The following CNTNAP2 variants were observed in gnomAD, a reference collection of about 807,000 sequenced individuals.
CNTNAP2 encodes contactin associated protein 2.
A neutral mutation model predicts 155.2 loss-of-function variants in CNTNAP2; 98 were observed. The ratio of observed to expected loss-of-function variants is 0.63; its 90% CI spans 0.54 to 0.75. The LOEUF (loss-of-function observed/expected upper bound fraction) is 0.75, where lower values mean the gene tolerates loss of function less well. CNTNAP2 is among the 30% of genes least tolerant of loss of function. CNTNAP2 has a pLI of 0.00. For synonymous variants in CNTNAP2, 651 were observed against 631.2 expected, an observed-to-expected ratio of 1.03 and a Z score of -0.47; for missense variants, 1,727 against 1,688.1, an observed-to-expected ratio of 1.02 and a Z score of -0.40.
intron 4 of CNTNAP2, among the ~76,000 whole-genome samples, chr7:147,075,388 C>T (rs769454613): frequency 9.9e-5 from 15 of 152,062 alleles, no homozygotes; most frequent in Non-Finnish European, 1.6e-4. Context: ...TAAGAAATCC[C>T]CATGGCTTGT....
At chr7:146,458,520 G>A (rs1282973647) in intron 1 of CNTNAP2, among the ~76,000 whole-genome samples, 1 of 152,130 alleles carries the variant, frequency 6.6e-6, no homozygotes. Context: ...AGACAGTAGG[G>A]TTTATGTGGT....
At chr7:148,354,258 A>G (rs77811407) in intron 21 of CNTNAP2, among the ~76,000 whole-genome samples, 3 of 144,454 alleles carry the variant, frequency 2.1e-5, no homozygotes, top group Non-Finnish European at 4.5e-5. Context: ...TACTAGCATT[A>G]AATATTTTGT....
chr7:147,390,608 C>T (rs1352574459), intron 9 of CNTNAP2, among the ~76,000 whole-genome samples: 1 of 152,060 alleles, frequency 6.6e-6, no homozygotes, highest in Admixed American at 6.6e-5. Context: ...GGTGCCTCTC[C>T]ATCTTACTAC....
chr7:147,696,242 T>C (rs1292106071), intron 13 of CNTNAP2, among the ~76,000 whole-genome samples: 2 of 152,190 alleles, frequency 1.3e-5, no homozygotes, highest in Non-Finnish European at 2.9e-5. Flanking sequence ...TTTTTGCCCT[T>C]GTTCTTTGTT....
At chr7:148,325,572 A>T (rs541697006) in intron 21 of CNTNAP2, among the ~76,000 whole-genome samples, 9 of 152,356 alleles carry the variant, frequency 5.9e-5, no homozygotes, top group Non-Finnish European at 1.3e-4. Context: ...TGCACAGGAG[A>T]TGGCCAAAGG....
At position 148,204,342 on chromosome 7, in the gene CNTNAP2, C is replaced by T. The variant is rs562295746; in HGVS notation, c.3011-12946C>T. On this transcript the variant is annotated intron_variant, in intron 18 of 23. Transcript: ENST00000361727. ...TGAAATAAAGTAGTTGCAGAGATAA[C>T]GAGGAAAACCAAAGTTATAATCTAT... Among the ~76,000 whole-genome samples, 57 of 152,250 alleles carry T rather than the reference C, an allele frequency of 3.7e-4. No homozygotes were observed. In the South Asian group the frequency reaches 4.1e-3, roughly 11 times the overall value.
intron 13 of CNTNAP2, among the ~76,000 whole-genome samples, chr7:147,776,972 A>G (rs952738381): frequency 6.6e-6 from 1 of 152,058 alleles, no homozygotes; most frequent in Non-Finnish European, 1.5e-5. Flanking sequence ...ATACTTGAAT[A>G]AAGTACATGT....
intron 13 of CNTNAP2, among the ~76,000 whole-genome samples, chr7:147,777,848 G>C (rs1797608595): frequency 6.6e-6 from 1 of 152,100 alleles, no homozygotes; most frequent in Admixed American, 6.6e-5. Context: ...ATTTCTCTAA[G>C]TGCATCATTT....
chr7:147,339,778 A>G (rs903957462), intron 9 of CNTNAP2, among the ~76,000 whole-genome samples: 2 of 152,194 alleles, frequency 1.3e-5, no homozygotes, highest in African/African-American at 4.8e-5. Context: ...CAGTAGGTCC[A>G]ATGAATGTAA....
intron 3 of CNTNAP2, among the ~76,000 whole-genome samples, chr7:146,961,493 T>G (rs1345740097): frequency 2.0e-5 from 3 of 152,176 alleles, no homozygotes; most frequent in Admixed American, 1.3e-4. Context: ...AACTTTTCCA[T>G]TTTCTCTCTA....
chr7:146,293,843 C>T (rs1800470554), intron 1 of CNTNAP2, among the ~76,000 whole-genome samples: 1 of 152,006 alleles, frequency 6.6e-6, no homozygotes, highest in Non-Finnish European at 1.5e-5. Flanking sequence ...TAAAAAATAT[C>T]AACATGGAGA....
intron 1 of CNTNAP2, among the ~76,000 whole-genome samples, chr7:146,694,354 G>A (rs938004068): frequency 3.3e-5 from 5 of 152,188 alleles, no homozygotes; most frequent in African/African-American, 9.6e-5. Context: ...ATCATTTGTT[G>A]AAAAGACTAC....
At chr7:147,674,546 T>C (rs1795838485) in intron 13 of CNTNAP2, among the ~76,000 whole-genome samples, 1 of 152,168 alleles carries the variant, frequency 6.6e-6, no homozygotes, top group Non-Finnish European at 1.5e-5. Context: ...TATAGAGTTA[T>C]TTATATAAGC....
intron 1 of CNTNAP2, among the ~76,000 whole-genome samples, chr7:146,706,635 A>G (rs1313313169): frequency 1.3e-5 from 2 of 152,236 alleles, no homozygotes; most frequent in African/African-American, 2.4e-5. Flanking sequence ...ATGGACCTGG[A>G]GGCCATTATC....
intron 8 of CNTNAP2, among the ~76,000 whole-genome samples, chr7:147,185,670 T>A (rs1802549544): frequency 6.6e-6 from 1 of 152,214 alleles, no homozygotes; most frequent in Non-Finnish European, 1.5e-5. Flanking sequence ...ACTAGGACAC[T>A]ATTTTTATAA....
intron 1 of CNTNAP2, among the ~76,000 whole-genome samples, chr7:146,164,534 A>G (rs1798282913): frequency 6.6e-6 from 1 of 152,182 alleles, no homozygotes; most frequent in African/African-American, 2.4e-5. Context: ...TTAGAGGGGC[A>G]GATTTCCATT....
rs146582113 is a variant in CNTNAP2, at chr7:147,046,959, G to T, written c.550+2905G>T. Among the ~76,000 whole-genome samples, 553 of 148,444 alleles carry T rather than the reference G, an allele frequency of 3.7e-3. 25 individuals carry two copies. In the East Asian group the frequency reaches 0.082, roughly 22 times the overall value. ...AAGCAGGAGAATGGCGTGAACCCGG[G>T]AGGTGGAGCTTGCAGTGAGCCAAGA... On this transcript the variant is annotated intron_variant, in intron 4 of 23. Coordinates refer to ENST00000361727, the MANE Select transcript of CNTNAP2 (RefSeq NM_014141.6).
chr7:148,093,262 A>T (rs748950297), intron 15 of CNTNAP2, among the ~76,000 whole-genome samples: 2 of 152,168 alleles, frequency 1.3e-5, no homozygotes, highest in Non-Finnish European at 2.9e-5. Context: ...TTGTGATCAT[A>T]TATGTGCATC....
chr7:146,154,642 C>T (rs913191493), intron 1 of CNTNAP2, among the ~76,000 whole-genome samples: 9 of 152,160 alleles, frequency 5.9e-5, no homozygotes, highest in African/African-American at 2.2e-4. Flanking sequence ...AAAGCATTTA[C>T]AGCATATGCT....
Sources: gnomAD v4.1 joint callset for allele counts (sites outside exome capture counted in the v4.1 genomes callset) on GRCh38, gnomAD v4.1.1 for gene constraint, MANE v1.5 for transcripts, NCBI Gene and HGNC (gene_info 2026-07-23, HGNC 2026-07-21) for gene names.